Variants in SEMA5A observed in about 807,000 individuals in gnomAD.
The protein encoded by SEMA5A is semaphorin-5A.
A neutral mutation model predicts 135.5 loss-of-function variants in SEMA5A; 55 were observed. That is an observed-to-expected ratio of 0.41 (90% confidence interval 0.33 to 0.51). The LOEUF is 0.51. Ranked by LOEUF, SEMA5A falls within the 20% of genes least tolerant of loss-of-function variation. The pLI is 0.37. For synonymous variants in SEMA5A, 580 were observed against 546.5 expected (o/e 1.06, Z -0.85); for missense variants, 1,290 against 1,419.9 (o/e 0.91, Z 1.47).
intron 1 of SEMA5A, among the ~76,000 whole-genome samples, chr5:9,539,490 A>G (rs553099818): frequency 6.6e-6 from 1 of 152,368 alleles, no homozygotes; most frequent in African/African-American, 2.4e-5. Context: ...ATGTGTAAAC[A>G]TATGTAATAA....
chr5:9,532,191 T>TC (rs991520673), intron 1 of SEMA5A, among the ~76,000 whole-genome samples: 4 of 151,270 alleles, frequency 2.6e-5, no homozygotes, highest in African/African-American at 7.3e-5. Flanking sequence ...ATCTTAAATA[T>TC]CCCCCCCATC....
intron 16 of SEMA5A, among the ~76,000 whole-genome samples, chr5:9,099,547 T>A (rs994789756): frequency 6.6e-6 from 1 of 152,172 alleles, no homozygotes. Flanking sequence ...AAGGTCAAGG[T>A]CATGTCTTTA....
rs776135783 is a variant in SEMA5A at position 9,054,183 on chromosome 5, T to C, written c.2593A>G (p.Thr865Ala). The change falls in exon 19 of 23, where the codon ACC (threonine) becomes GCC (alanine). Residue 865 changes from threonine to alanine, a missense_variant. Physicochemically the swap from Thr to Ala is moderately conservative, Grantham distance 58 (BLOSUM62 0). Coordinates refer to ENST00000382496, the MANE Select transcript of SEMA5A (RefSeq NM_003966.3). The part of the protein sequence containing the change: ...ATCGGGHYMR[T>A]RSCSNPAPAY... ...GGGGCTGGATTGGAGCAAGAGCGGG[T>C]CCTCATATAGTGTCCACCGCCGCAT... is the stretch of plus-strand genomic sequence containing the variant. 1.9e-6 allele frequency: 3 copies of C among 1,613,558 alleles called. No individual in the cohort carries two copies. In the African/African-American group the frequency reaches 4.0e-5, roughly 22 times the overall value.
At chr5:9,479,187 T>G (rs1004682523) in intron 1 of SEMA5A, among the ~76,000 whole-genome samples, 4 of 152,176 alleles carry the variant, frequency 2.6e-5, no homozygotes, top group Non-Finnish European at 5.9e-5. Flanking sequence ...CTTTTATTTA[T>G]CAATTACCCA....
intron 1 of SEMA5A, among the ~76,000 whole-genome samples, chr5:9,519,046 C>A (rs745696204): frequency 6.6e-6 from 1 of 152,106 alleles, no homozygotes; most frequent in Admixed American, 6.5e-5. Context: ...TTTTGAGCTC[C>A]ACTCTTCCCA....
intron 11 of SEMA5A, among the ~76,000 whole-genome samples, chr5:9,182,965 G>C (rs1744604965): frequency 6.6e-6 from 1 of 151,994 alleles, no homozygotes; most frequent in Non-Finnish European, 1.5e-5. Context: ...TAGCTAGAAG[G>C]CACATATTAG....
intron 2 of SEMA5A, among the ~76,000 whole-genome samples, chr5:9,391,492 C>T (rs1160292816): frequency 6.6e-6 from 1 of 152,230 alleles, no homozygotes; most frequent in Non-Finnish European, 1.5e-5. Flanking sequence ...AAGCAAACCA[C>T]TGGTGGTCCC....
intron 10 of SEMA5A, among the ~76,000 whole-genome samples, chr5:9,193,762 G>A (rs907330302): frequency 6.6e-6 from 1 of 152,162 alleles, no homozygotes; most frequent in Non-Finnish European, 1.5e-5. Flanking sequence ...GCCTGGCGTG[G>A]TGGTGGGCAC....
intron 5 of SEMA5A, chr5:9,265,650 G>A (rs745320138): frequency 1.2e-5 from 5 of 422,630 alleles, no homozygotes; most frequent in Admixed American, 2.6e-5. Flanking sequence ...CCTCCCTCAC[G>A]AATAAGACAA....
chr5:9,258,803 C>CTTTTTTTTTTTTTTT lies in SEMA5A; in HGVS notation c.271-20928_271-20914dup, dbSNP rs748703578. On this transcript the variant is annotated intron_variant, in intron 5 of 22. Coordinates refer to ENST00000382496, the MANE Select transcript of SEMA5A (RefSeq NM_003966.3). ...ATTATTTGTCTTTTCTTCTTTCTTTCTTTTTTTTTTTTTTTTTTTTTTTTT... is the reference window on the plus strand; with the variant it reads ...ATTATTTGTCTTTTCTTCTTTCTTTCTTTTTTTTTTTTTTTTTTTTTTTTTTTTTTTTTTTTTTTT... Among the ~76,000 whole-genome samples, 90 of 48,964 alleles carry CTTTTTTTTTTTTTTT rather than the reference C, an allele frequency of 1.8e-3. 10 individuals are homozygous for CTTTTTTTTTTTTTTT. The highest frequency in any genetic ancestry group is 2.1e-3 in the Non-Finnish European group (62 of 28,892). 32.1% of individuals were successfully genotyped at this position (48,964 alleles called of 152,430 possible). A position where few individuals can be genotyped will look rare whatever the true frequency, so the allele number is the denominator to read the frequency against.
chr5:9,122,782 C>G lies in SEMA5A; in HGVS notation c.1655G>C (p.Cys552Ser), dbSNP rs1246623730. Residue 552 changes from cysteine (C) to serine (S), a missense_variant, in exon 14 of 23, where the codon TGC (cysteine) becomes TCC (serine). Cys to Ser is a moderately radical substitution (Grantham distance 112). Around this residue, in one of 3 missense-constraint regions of SEMA5A, gnomAD observed 1,029 missense variants for 1,086.6 expected, o/e 0.95. Transcript: ENST00000382496. ...HFGVWSPWTP[C>S]THTDGSAVGS... ...CACGGCGCTGCCATCTGTGTGCGTG[C>G]AAGGCGTCCACGGAGACCACACACC... The G allele has an allele frequency of 1.2e-6, 2 of 1,612,822 alleles. No individual in the cohort carries two copies. The highest frequency in any genetic ancestry group is 3.3e-5 in the Admixed American group (2 of 59,940).
intron 16 of SEMA5A, among the ~76,000 whole-genome samples, chr5:9,103,788 A>T (rs1739756147): frequency 6.6e-6 from 1 of 152,224 alleles, no homozygotes; most frequent in South Asian, 2.1e-4. Context: ...TGTATACAAC[A>T]TAACATTTTA....
At chr5:9,158,290 T>C (rs942510753) in intron 11 of SEMA5A, among the ~76,000 whole-genome samples, 1 of 152,168 alleles carries the variant, frequency 6.6e-6, no homozygotes, top group African/African-American at 2.4e-5. Flanking sequence ...TATGGAAAGA[T>C]TTCAACCCAA....
At chr5:9,248,342 C>T (rs749714039) in intron 5 of SEMA5A, among the ~76,000 whole-genome samples, 1 of 151,958 alleles carries the variant, frequency 6.6e-6, no homozygotes, top group Non-Finnish European at 1.5e-5. Context: ...ATGTGATTAG[C>T]CAGGGTTGGC....
chr5:9,257,447 CT>C lies in SEMA5A; in HGVS notation c.271-19558del, dbSNP rs34992396. Among the ~76,000 whole-genome samples the C allele has an allele frequency of 1.1e-3, 167 of 150,124 alleles. No individual in the cohort carries two copies. The South Asian group carries it at 0.018, about 16-fold the overall frequency. On this transcript the variant is annotated intron_variant, in intron 5 of 22. Transcript: ENST00000382496. ...ACATCTGTATACTACCCACATAGAT[CT>C]TTTTTTTTTCCATTCTACATTAAAT...
intron 2 of SEMA5A, among the ~76,000 whole-genome samples, chr5:9,384,622 A>G (rs1172479631): frequency 1.5e-4 from 6 of 40,924 alleles, no homozygotes; most frequent in African/African-American, 5.7e-4. Context: ...ATAGATACAT[A>G]GATAGATAGA....
chr5:9,393,150 C>T (rs1276203898), intron 2 of SEMA5A, among the ~76,000 whole-genome samples: 2 of 152,150 alleles, frequency 1.3e-5, no homozygotes, highest in Non-Finnish European at 2.9e-5. Context: ...GGAAAAGTAA[C>T]CCCCAAGTGT....
At chr5:9,287,301 CA>C (rs1266601267) in intron 5 of SEMA5A, among the ~76,000 whole-genome samples, 1 of 152,120 alleles carries the variant, frequency 6.6e-6, no homozygotes, top group East Asian at 1.9e-4. Context: ...TTGGTGTCAG[CA>C]AAAGTATCAA....
At chr5:9,251,542 T>G (rs1266230932) in intron 5 of SEMA5A, among the ~76,000 whole-genome samples, 1 of 152,214 alleles carries the variant, frequency 6.6e-6, no homozygotes, top group Non-Finnish European at 1.5e-5. Flanking sequence ...GTTTTGACTA[T>G]GACTATGAGT....
Sources: allele counts gnomAD v4.1 joint callset (sites outside exome capture counted in the v4.1 genomes callset), GRCh38; gene constraint gnomAD v4.1.1; regional missense constraint gnomAD v4.1.1; transcripts MANE v1.5; gene names NCBI Gene and HGNC (gene_info 2026-07-23, HGNC 2026-07-21).